MTUS2: variants seen among roughly 807,000 people sequenced by gnomAD.
MTUS2 encodes the protein microtubule-associated tumor suppressor candidate 2.
A neutral mutation model predicts 114.1 loss-of-function variants in MTUS2; 40 were observed. That is an observed-to-expected ratio of 0.35 (90% CI 0.27 to 0.46). The LOEUF (loss-of-function observed/expected upper bound fraction) is 0.46. Ranked by LOEUF, MTUS2 falls within the 20% of genes least tolerant of loss-of-function variation. MTUS2 has a pLI of 1.00. For missense variants in MTUS2, 1,679 were observed against 1,705.4 expected, an observed-to-expected ratio of 0.98 and a Z score of 0.27; for synonymous variants, 688 against 672.0, an observed-to-expected ratio of 1.02 and a Z score of -0.37.
intron 2 of MTUS2, among the ~76,000 whole-genome samples, chr13:29,021,783 G>A (rs1016740569): frequency 6.6e-6 from 1 of 152,172 alleles, no homozygotes; most frequent in Non-Finnish European, 1.5e-5. Flanking sequence ...GTATCTTCAA[G>A]GGAAACGCTT....
rs141633649 is a variant in MTUS2 at position 29,352,066 on chromosome 13, T to C, written c.2906-7196T>C. On this transcript the variant is annotated intron_variant, in intron 7 of 15. Coordinates refer to ENST00000612955, the MANE Select transcript of MTUS2 (RefSeq NM_001033602.4). ...CTCTTTTTGCATGCATCTGCAAGTGTTGGTTCTTAGTTGCCTTCACTAGAA... is the reference window on the plus strand; with the variant it reads ...CTCTTTTTGCATGCATCTGCAAGTGCTGGTTCTTAGTTGCCTTCACTAGAA... Among the ~76,000 whole-genome samples, 33 of 152,332 alleles carry C rather than the reference T, an allele frequency of 2.2e-4. No homozygotes were observed. The East Asian group carries it at 6.2e-3, about 28-fold the overall frequency.
At chr13:28,924,005 T>C (rs746135874) in intron 2 of MTUS2, among the ~76,000 whole-genome samples, 1 of 152,130 alleles carries the variant, frequency 6.6e-6, no homozygotes, top group Non-Finnish European at 1.5e-5. Context: ...ATTCCCCTAG[T>C]CACTTATTGT....
chr13:29,080,356 A>G lies in MTUS2; in HGVS notation c.2447-20417A>G, dbSNP rs555092821. 2.6e-5 allele frequency among the ~76,000 whole-genome samples: 4 copies of G among 152,322 alleles called. 1 individual carries two copies. The East Asian group carries it at 7.7e-4, about 29-fold the overall frequency. On this transcript the variant is annotated intron_variant, in intron 4 of 15. Coordinates refer to ENST00000612955, the MANE Select transcript of MTUS2 (RefSeq NM_001033602.4). ...TCTTACATTAATTGGAACTTTAGCA[A>G]TGAGGTGATTCCATGGTGTATTAGG...
chr13:28,853,927 A>G (rs1161843803), intron 2 of MTUS2, among the ~76,000 whole-genome samples: 2 of 152,240 alleles, frequency 1.3e-5, no homozygotes, highest in Non-Finnish European at 2.9e-5. Flanking sequence ...TCTGTATAGG[A>G]TGGCTTGTTA....
rs553002888 is a variant in MTUS2, at chr13:28,995,135, C to A, written c.-242-29322C>A. ...TCTACATATGGCTAGCCAGTCTTCC[C>A]AGCACCATTTATTAAATAGGGAATC... is the stretch of plus-strand genomic sequence containing the variant. On this transcript the variant is annotated intron_variant, in intron 2 of 15. Coordinates refer to ENST00000612955, the MANE Select transcript of MTUS2 (RefSeq NM_001033602.4). Among the ~76,000 whole-genome samples, 17 of 152,322 alleles carry A rather than the reference C, an allele frequency of 1.1e-4. No individual in the cohort carries two copies. In the East Asian group the frequency reaches 2.9e-3, roughly 26 times the overall value.
At chr13:29,154,002 C>G (rs1326423816) in intron 5 of MTUS2, among the ~76,000 whole-genome samples, 1 of 152,166 alleles carries the variant, frequency 6.6e-6, no homozygotes, top group Admixed American at 6.5e-5. Flanking sequence ...CCAAAAGAAT[C>G]TACTTGTCCC....
chr13:29,366,871 G>T (rs1870765628), intron 8 of MTUS2, among the ~76,000 whole-genome samples: 1 of 152,046 alleles, frequency 6.6e-6, no homozygotes, highest in Admixed American at 6.5e-5. Context: ...GTGGCTCTTG[G>T]AGTACCTTCT....
intron 9 of MTUS2, among the ~76,000 whole-genome samples, chr13:29,451,301 A>G (rs1878667005): frequency 1.3e-5 from 2 of 152,232 alleles, no homozygotes; most frequent in African/African-American, 2.4e-5. Flanking sequence ...AAAAACCTCC[A>G]AACATTTGGA....
At chr13:29,028,338 C>T (rs753171293) in intron 3 of MTUS2, among the ~76,000 whole-genome samples, 16 of 127,470 alleles carry the variant, frequency 1.3e-4, no homozygotes, top group Non-Finnish European at 1.7e-4. Context: ...CAACAGAGCG[C>T]GACTCAGTCT....
intron 2 of MTUS2, among the ~76,000 whole-genome samples, chr13:28,886,735 G>A (rs1339708993): frequency 1.3e-5 from 2 of 152,170 alleles, no homozygotes; most frequent in African/African-American, 4.8e-5. Flanking sequence ...TCACTGATAA[G>A]TAAGGGGGGA....
chr13:29,147,113 TACTC>T (rs1892467740), intron 5 of MTUS2, among the ~76,000 whole-genome samples: 1 of 152,194 alleles, frequency 6.6e-6, no homozygotes, highest in Non-Finnish European at 1.5e-5. Context: ...CCAAATCAAT[TACTC>T]AGTTCATTCT....
intron 9 of MTUS2, among the ~76,000 whole-genome samples, chr13:29,478,694 C>T (rs891210084): frequency 6.6e-6 from 1 of 152,058 alleles, no homozygotes; most frequent in African/African-American, 2.4e-5. Context: ...ACTGCCTACA[C>T]ATGGAATGGA....
At chr13:29,180,987 A>T (rs1360318226) in intron 5 of MTUS2, among the ~76,000 whole-genome samples, 1 of 152,230 alleles carries the variant, frequency 6.6e-6, no homozygotes, top group Admixed American at 6.5e-5. Flanking sequence ...TCCTGAAAAA[A>T]AAATTATCTT....
intron 8 of MTUS2, among the ~76,000 whole-genome samples, chr13:29,386,149 A>C (rs1197860910): frequency 6.6e-6 from 1 of 152,226 alleles, no homozygotes; most frequent in East Asian, 1.9e-4. Context: ...CCTCATCAGG[A>C]AAAATCTTTC....
intron 2 of MTUS2, among the ~76,000 whole-genome samples, chr13:28,998,744 C>T (rs932489101): frequency 9.2e-5 from 14 of 152,190 alleles, no homozygotes; most frequent in Admixed American, 5.2e-4. Context: ...AGGTCCATCA[C>T]GTCCATTAAG....
At chr13:29,268,407 G>T (rs1311850635) in intron 5 of MTUS2, among the ~76,000 whole-genome samples, 1 of 152,144 alleles carries the variant, frequency 6.6e-6, no homozygotes, top group East Asian at 1.9e-4. Context: ...AATGACTCCC[G>T]TTTTACTCTG....
intron 2 of MTUS2, among the ~76,000 whole-genome samples, chr13:28,946,263 T>C (rs1016313608): frequency 7.7e-6 from 1 of 129,754 alleles, no homozygotes; most frequent in African/African-American, 2.8e-5. Flanking sequence ...GTATCTCTCT[T>C]TCTGTCTGCG....
rs76768662 is a variant in MTUS2 at position 29,059,412 on chromosome 13, C to T, written c.2446+25287C>T. 1.4e-3 allele frequency among the ~76,000 whole-genome samples: 207 copies of T among 152,154 alleles called. 1 individual carries two copies. In the East Asian group the frequency reaches 0.025, roughly 18 times the overall value. ...CCACAAGGCTCCCTGATGCAGGAGTCGCAGTTGGCAGACAGGCCATATCCT... is the reference window on the plus strand; with the variant it reads ...CCACAAGGCTCCCTGATGCAGGAGTTGCAGTTGGCAGACAGGCCATATCCT... On this transcript the variant is annotated intron_variant, in intron 4 of 15. Transcript: ENST00000612955.
At chr13:29,457,316 C>A (rs138982336) in intron 9 of MTUS2, among the ~76,000 whole-genome samples, 1 of 152,068 alleles carries the variant, frequency 6.6e-6, no homozygotes, top group South Asian at 2.1e-4. Context: ...GCCAAGCCCC[C>A]CTTCTTCTAA....
Sources: gnomAD v4.1 joint callset for allele counts (sites outside exome capture counted in the v4.1 genomes callset) on GRCh38, gnomAD v4.1.1 for gene constraint, MANE v1.5 for transcripts, NCBI Gene and HGNC (gene_info 2026-07-23, HGNC 2026-07-21) for gene names.